Variants in WDR70 observed in about 807,000 individuals in gnomAD.
The protein encoded by WDR70 is WD repeat-containing protein 70.
In WDR70, 53 loss-of-function variants were observed where a neutral mutation model predicts 88.6. The ratio of observed to expected loss-of-function variants is 0.60; its 90% CI spans 0.48 to 0.75. The LOEUF is 0.75. WDR70 is among the 30% of genes least tolerant of loss of function. WDR70 has a pLI of 0.00. For missense variants in WDR70, 610 were observed against 823.2 expected (o/e 0.74, Z 3.17); for synonymous variants, 280 against 270.0 (o/e 1.04, Z -0.36).
intron 10 of WDR70, among the ~76,000 whole-genome samples, chr5:37,619,704 A>G (rs1248497092): frequency 6.6e-6 from 1 of 151,478 alleles, no homozygotes; most frequent in East Asian, 1.9e-4. Flanking sequence ...TTTGCACTCC[A>G]AAGCTCTTGG....
intron 8 of WDR70, chr5:37,506,910 T>C (rs1299560529): frequency 4.4e-6 from 4 of 899,940 alleles, no homozygotes; most frequent in Admixed American, 1.7e-5. Flanking sequence ...CACTTGGTCC[T>C]CCTCCCACCT....
chr5:37,695,497 C>T (rs1746954238), intron 10 of WDR70, among the ~76,000 whole-genome samples: 1 of 152,176 alleles, frequency 6.6e-6, no homozygotes. Flanking sequence ...CTCAGGGTTT[C>T]ACCAGGCTAA....
chr5:37,586,742 C>T, intron 9 of WDR70, among the ~76,000 whole-genome samples: 1 of 152,132 alleles, frequency 6.6e-6, no homozygotes, highest in Non-Finnish European at 1.5e-5. Context: ...TGCCTAGCTC[C>T]TTTTCCTTTT....
At chr5:37,673,777 C>T (rs117909009) in intron 10 of WDR70, among the ~76,000 whole-genome samples, 1 of 152,152 alleles carries the variant, frequency 6.6e-6, no homozygotes, top group East Asian at 1.9e-4. Flanking sequence ...CCCATGCCCC[C>T]TAACAACAGG....
rs1235483739 is a variant in WDR70 at position 37,537,239 on chromosome 5, C to G, written c.917+20649C>G. 2.0e-5 allele frequency among the ~76,000 whole-genome samples: 3 copies of G among 152,040 alleles called. 1 individual carries two copies. The highest frequency in any genetic ancestry group is 2.9e-5 in the Non-Finnish European group (2 of 67,990). ...ATGACAAAAATTTTGGGAAAATATC[C>G]ATGATATAAGAAAGTGTACTCATAT... is the stretch of plus-strand genomic sequence containing the variant. On this transcript the variant is annotated intron_variant, in intron 9 of 17. Coordinates refer to ENST00000265107, the MANE Select transcript of WDR70 (RefSeq NM_018034.4).
At chr5:37,669,503 C>G (rs1745960503) in intron 10 of WDR70, among the ~76,000 whole-genome samples, 1 of 152,064 alleles carries the variant, frequency 6.6e-6, no homozygotes, top group African/African-American at 2.4e-5. Context: ...GCCTCAAACT[C>G]CTGGACTGAA....
chr5:37,396,705 C>T, intron 5 of WDR70, 135 bp downstream of exon 5: 1 of 1,368,376 alleles, frequency 7.3e-7, no homozygotes, highest in East Asian at 2.6e-5. Flanking sequence ...TGGCTTAACA[C>T]CTGTAATCCC....
chr5:37,486,486 G>A, intron 8 of WDR70, among the ~76,000 whole-genome samples: 1 of 94,714 alleles, frequency 1.1e-5, no homozygotes, highest in East Asian at 2.7e-4. Context: ...CGGGATTACA[G>A]GCGCCCGACA....
At chr5:37,382,092 A>C (rs995375367) in intron 3 of WDR70, among the ~76,000 whole-genome samples, 154 of 148,118 alleles carry the variant, frequency 1.0e-3, no homozygotes, top group Non-Finnish European at 1.4e-3. Flanking sequence ...TATGCTACTT[A>C]TCACTGTTGT....
At chr5:37,704,334 T>TA (rs1747260516) in intron 13 of WDR70, among the ~76,000 whole-genome samples, 1 of 152,208 alleles carries the variant, frequency 6.6e-6, no homozygotes, top group Non-Finnish European at 1.5e-5. Context: ...ACTATGCCTC[T>TA]AAATGACTAT....
intron 8 of WDR70, among the ~76,000 whole-genome samples, chr5:37,493,000 G>C (rs972264366): frequency 6.6e-6 from 1 of 152,130 alleles, no homozygotes; most frequent in African/African-American, 2.4e-5. Context: ...AACCAAACCA[G>C]GTGATCTCTA....
At chr5:37,514,339 C>CATACATACATATATATAT (rs1330415670) in intron 8 of WDR70, among the ~76,000 whole-genome samples, 16 of 28,750 alleles carry the variant, frequency 5.6e-4, no homozygotes, top group African/African-American at 8.9e-4. Flanking sequence ...TTTAGAACTA[C>CATACATACATATATATAT]ATATATATAT....
intron 5 of WDR70, among the ~76,000 whole-genome samples, chr5:37,408,284 C>T (rs1198804232): frequency 1.3e-5 from 2 of 151,892 alleles, no homozygotes; most frequent in Non-Finnish European, 2.9e-5. Flanking sequence ...CCAGCCTGGC[C>T]AACATAGTGA....
chr5:37,538,497 G>T (rs1310219499), intron 9 of WDR70, among the ~76,000 whole-genome samples: 2 of 152,224 alleles, frequency 1.3e-5, no homozygotes, highest in Non-Finnish European at 2.9e-5. Context: ...CAGTTGGGGG[G>T]AGGATTCAGA....
chr5:37,720,576 C>T (rs1747778972), intron 13 of WDR70, among the ~76,000 whole-genome samples: 1 of 152,176 alleles, frequency 6.6e-6, no homozygotes. Flanking sequence ...CTCTGTTTTA[C>T]TTCTGCTGTT....
chr5:37,571,881 A>G (rs1359529534), intron 9 of WDR70, among the ~76,000 whole-genome samples: 1 of 152,170 alleles, frequency 6.6e-6, no homozygotes, highest in Admixed American at 6.5e-5. Flanking sequence ...GAGCAAAAAG[A>G]ATGATGTCTG....
intron 9 of WDR70, among the ~76,000 whole-genome samples, chr5:37,536,581 A>C (rs1273849818): frequency 6.6e-6 from 1 of 152,092 alleles, no homozygotes; most frequent in Non-Finnish European, 1.5e-5. Context: ...GGATTTTTGG[A>C]TTAGGGATAC....
At chr5:37,524,890 A>C (rs894423396) in intron 9 of WDR70, among the ~76,000 whole-genome samples, 1 of 152,360 alleles carries the variant, frequency 6.6e-6, no homozygotes, top group African/African-American at 2.4e-5. Context: ...GAAGGCCATT[A>C]CATAATGGTA....
chr5:37,492,043 T>C (rs1740083006), intron 8 of WDR70, among the ~76,000 whole-genome samples: 1 of 152,216 alleles, frequency 6.6e-6, no homozygotes, highest in Admixed American at 6.5e-5. Context: ...CTACCTACTT[T>C]TCTAGTGATC....
Sources: allele counts gnomAD v4.1 joint callset (sites outside exome capture counted in the v4.1 genomes callset), GRCh38; gene constraint gnomAD v4.1.1; transcripts MANE v1.5; gene names NCBI Gene and HGNC (gene_info 2026-07-23, HGNC 2026-07-21).